Variants in KLHL3 observed in about 807,000 individuals in gnomAD.
The protein encoded by KLHL3 is kelch-like protein 3.
In KLHL3, 19 loss-of-function variants were observed where a neutral mutation model predicts 70.5. That is an observed-to-expected ratio of 0.27 (90% CI 0.19 to 0.40). The LOEUF is 0.40. KLHL3 is among the 10% of genes least tolerant of loss of function. The pLI is 1.00. For missense variants in KLHL3, 512 were observed against 771.1 expected, an observed-to-expected ratio of 0.66 and a Z score of 3.98; for synonymous variants, 258 against 290.3, an observed-to-expected ratio of 0.89 and a Z score of 1.13.
rs1340352927 is a variant in KLHL3, at chr5:137,670,986, AC to A, written c.636+6558del. 1.1e-4 allele frequency among the ~76,000 whole-genome samples: 16 copies of A among 141,552 alleles called. 1 individual carries two copies. The highest frequency in any genetic ancestry group is 4.2e-4 in the Admixed American group (6 of 14,188). 92.9% of individuals were successfully genotyped at this position (141,552 alleles called of 152,430 possible). A position where few individuals can be genotyped will look rare whatever the true frequency, so the allele number is the denominator to read the frequency against. On this transcript the variant is annotated intron_variant, in intron 6 of 14. Coordinates refer to ENST00000309755, the MANE Select transcript of KLHL3 (RefSeq NM_017415.3). ...GACTCCACCTCAAAAAAAAAAAAAA[AC>A]AACAACAAAAAAGCCCCAAACACCT...
chr5:137,650,940 C>G (rs1751185674), intron 8 of KLHL3, among the ~76,000 whole-genome samples: 1 of 151,958 alleles, frequency 6.6e-6, no homozygotes, highest in Non-Finnish European at 1.5e-5. Flanking sequence ...ACCCTTCTAA[C>G]CCCCAGGAAC....
intron 4 of KLHL3, among the ~76,000 whole-genome samples, chr5:137,693,366 T>A (rs1245570269): frequency 6.6e-6 from 1 of 152,174 alleles, no homozygotes; most frequent in Non-Finnish European, 1.5e-5. Flanking sequence ...ACAGAAATAG[T>A]TCTTGCTCAG....
intron 5 of KLHL3, among the ~76,000 whole-genome samples, chr5:137,689,963 CAGA>C (rs1561607452): frequency 1.3e-5 from 2 of 152,182 alleles, no homozygotes; most frequent in Non-Finnish European, 2.9e-5. Flanking sequence ...AGAGGAGACA[CAGA>C]AGAAGGAGAC....
Position 137,617,532 on chromosome 5 carries a change from G to A in KLHL3, c.*4566C>T, listed in dbSNP as rs982926935. ...AGTTCAGCTTTTATTAAAATTAAAG[G>A]ATGGGAAATTAGAACATGATTCCTG... On this transcript the variant is annotated 3_prime_UTR_variant, in exon 15 of 15. Coordinates refer to ENST00000309755, the MANE Select transcript of KLHL3 (RefSeq NM_017415.3). 2.6e-5 allele frequency: 4 copies of A among 152,200 alleles called. No individual in the cohort carries two copies. Among genetic ancestry groups the A allele is most frequent in the Non-Finnish European group, 4.4e-5 (3 of 68,038 alleles). The allele number at this position is 152,200 out of a possible 1,614,324, so 9.4% of individuals were successfully genotyped here. A position where few individuals can be genotyped will look rare whatever the true frequency, so the allele number is the denominator to read the frequency against.
chr5:137,717,513 C>A (rs1034291752), intron 2 of KLHL3, among the ~76,000 whole-genome samples: 1 of 152,146 alleles, frequency 6.6e-6, no homozygotes, highest in Non-Finnish European at 1.5e-5. Context: ...CTGGGCCACA[C>A]GAGTGAAACT....
chr5:137,628,478 C>T (rs1207667227), intron 12 of KLHL3, 41 bp from the exon 13 acceptor site: 3 of 1,610,664 alleles, frequency 1.9e-6, no homozygotes, highest in Non-Finnish European at 1.7e-6. Context: ...ATGCTGACTA[C>T]AGTAACCAGA....
intron 6 of KLHL3, among the ~76,000 whole-genome samples, chr5:137,663,560 A>G (rs1751539752): frequency 6.6e-6 from 1 of 151,666 alleles, no homozygotes; most frequent in Non-Finnish European, 1.5e-5. Flanking sequence ...ATTATATAAG[A>G]TTGCTTATAA....
At chr5:137,676,118 G>A (rs755594269) in intron 6 of KLHL3, among the ~76,000 whole-genome samples, 2 of 152,228 alleles carry the variant, frequency 1.3e-5, no homozygotes, top group Non-Finnish European at 2.9e-5. Flanking sequence ...GGAGAGTCCA[G>A]TATATTGTGC....
rs1397194479 is a variant in KLHL3, at chr5:137,651,824, C to A, written c.903+6307G>T. ...TAAGACTTACTAGAAAGCTAGTAAT[C>A]GAGGCAACATAGTATTGGTGTAAAG... is the stretch of plus-strand genomic sequence containing the variant. On this transcript the variant is annotated intron_variant, in intron 8 of 14. Coordinates refer to ENST00000309755, the MANE Select transcript of KLHL3 (RefSeq NM_017415.3). 2.6e-5 allele frequency among the ~76,000 whole-genome samples: 4 copies of A among 152,032 alleles called. 1 individual carries two copies. Among genetic ancestry groups the A allele is most frequent in the Admixed American group, 2.6e-4 (4 of 15,274 alleles).
intron 8 of KLHL3, among the ~76,000 whole-genome samples, chr5:137,648,730 G>C (rs1301489181): frequency 6.6e-6 from 1 of 152,188 alleles, no homozygotes; most frequent in African/African-American, 2.4e-5. Flanking sequence ...TTCCTCTCAG[G>C]GAAAGGACTT....
intron 8 of KLHL3, among the ~76,000 whole-genome samples, chr5:137,654,467 T>C (rs1021558205): frequency 6.6e-6 from 1 of 152,198 alleles, no homozygotes; most frequent in African/African-American, 2.4e-5. Flanking sequence ...ACAGACCTAT[T>C]GCTGTGATGA....
chr5:137,735,142 G>A (rs768162026), intron 1 of KLHL3, among the ~76,000 whole-genome samples: 5 of 152,064 alleles, frequency 3.3e-5, no homozygotes, highest in South Asian at 2.1e-4. Flanking sequence ...GTGCACGCGC[G>A]CACACACACA....
intron 11 of KLHL3, among the ~76,000 whole-genome samples, chr5:137,636,990 T>C (rs1384471667): frequency 6.6e-6 from 1 of 152,208 alleles, no homozygotes; most frequent in Non-Finnish European, 1.5e-5. Flanking sequence ...CCCTACTCCC[T>C]TCCCTTCCCC....
In KLHL3 at chr5:137,684,971, G is replaced by A. The variant is rs558031073; in HGVS notation, c.526+7314C>T. On this transcript the variant is annotated intron_variant, in intron 5 of 14. Transcript: ENST00000309755. ...GAAGCAGGAGGGACTGCCACAGCAG[G>A]AAGAGACAGGGCCCTTCCAAACAGG... Among the ~76,000 whole-genome samples the A allele has an allele frequency of 2.6e-5, 4 of 152,356 alleles. No individual in the cohort carries two copies. In the East Asian group the frequency reaches 5.8e-4, roughly 22 times the overall value.
At chr5:137,628,853 T>C (rs1750559190) in intron 12 of KLHL3, 1 of 153,078 alleles carries the variant, frequency 6.5e-6, no homozygotes, top group African/African-American at 2.4e-5. Flanking sequence ...GAATAATTAT[T>C]TCTGAGTGGT....
intron 3 of KLHL3, among the ~76,000 whole-genome samples, chr5:137,704,156 C>G (rs13180301): frequency 6.6e-6 from 1 of 151,866 alleles, no homozygotes; most frequent in African/African-American, 2.4e-5. Context: ...GAGGCCGAGG[C>G]GGGTGGATCA....
intron 8 of KLHL3, among the ~76,000 whole-genome samples, chr5:137,654,423 C>T (rs1751289714): frequency 6.6e-6 from 1 of 152,196 alleles, no homozygotes; most frequent in East Asian, 1.9e-4. Context: ...ATTTCTTAAC[C>T]TCTCTGAGTA....
At chr5:137,626,414 C>T (rs1415643300) in intron 13 of KLHL3, among the ~76,000 whole-genome samples, 1 of 152,132 alleles carries the variant, frequency 6.6e-6, no homozygotes, top group African/African-American at 2.4e-5. Flanking sequence ...CACACAACTC[C>T]CAGGGATGCA....
At chr5:137,681,463 C>T (rs1239885216) in intron 5 of KLHL3, among the ~76,000 whole-genome samples, 1 of 152,094 alleles carries the variant, frequency 6.6e-6, no homozygotes, top group Non-Finnish European at 1.5e-5. Context: ...AAATTCAGAG[C>T]ATATGTAAAG....
Sources: gnomAD v4.1 joint callset for allele counts (sites outside exome capture counted in the v4.1 genomes callset) on GRCh38, gnomAD v4.1.1 for gene constraint, MANE v1.5 for transcripts, NCBI Gene and HGNC (gene_info 2026-07-23, HGNC 2026-07-21) for gene names.